Variants in F13A1 observed in about 807,000 individuals in gnomAD.
The protein encoded by F13A1 is FSF, A subunit.
A neutral mutation model predicts 80.1 loss-of-function variants in F13A1; 47 were observed. That is an observed-to-expected ratio of 0.59 (90% CI 0.46 to 0.75). F13A1 has a LOEUF of 0.75. F13A1 is among the 30% of genes least tolerant of loss of function. The pLI is 0.00. For missense variants in F13A1, 817 were observed against 930.4 expected, an observed-to-expected ratio of 0.88 and a Z score of 1.59; for synonymous variants, 349 against 344.9, an observed-to-expected ratio of 1.01 and a Z score of -0.13.
chr6:6,221,028 AT>A (rs2113057006), intron 8 of F13A1, among the ~76,000 whole-genome samples: 1 of 152,284 alleles, frequency 6.6e-6, no homozygotes, highest in Admixed American at 6.5e-5. Context: ...ACTTCCTACC[AT>A]CCCCATTTGG....
chr6:6,283,903 A>G (rs186384438), intron 3 of F13A1, among the ~76,000 whole-genome samples: 1 of 152,336 alleles, frequency 6.6e-6, no homozygotes, highest in East Asian at 1.9e-4. Context: ...TGAGGAGCAG[A>G]ACAGCAGTGA....
At chr6:6,212,434 G>C (rs187866666) in intron 8 of F13A1, among the ~76,000 whole-genome samples, 33 of 152,170 alleles carry the variant, frequency 2.2e-4, no homozygotes, top group Non-Finnish European at 4.3e-4. Context: ...CACCTCACAC[G>C]GCCGGGTACT....
chr6:6,181,915 A>T, intron 11 of F13A1, 73 bp downstream of exon 11: 1 of 1,548,254 alleles, frequency 6.5e-7, no homozygotes, highest in South Asian at 1.1e-5. Flanking sequence ...TCTGGAACTC[A>T]TCTCTGAGTG....
chr6:6,164,838 C>T (rs1760638562), intron 13 of F13A1, among the ~76,000 whole-genome samples: 1 of 148,728 alleles, frequency 6.7e-6, no homozygotes, highest in Admixed American at 6.7e-5. Flanking sequence ...TCCTCTCCCT[C>T]CCTTCCCCTC....
chr6:6,200,141 C>T (rs922892300), intron 8 of F13A1, among the ~76,000 whole-genome samples: 4 of 152,134 alleles, frequency 2.6e-5, no homozygotes, highest in African/African-American at 9.7e-5. Context: ...TTTTTGTCTA[C>T]ACTTGTGATG....
chr6:6,198,055 G>T (rs1264967875), intron 8 of F13A1, among the ~76,000 whole-genome samples: 3 of 152,180 alleles, frequency 2.0e-5, no homozygotes, highest in African/African-American at 7.2e-5. Context: ...ATATTCCTTT[G>T]TAGCAATTAA....
intron 10 of F13A1, among the ~76,000 whole-genome samples, chr6:6,195,541 A>G (rs1761274265): frequency 6.6e-6 from 1 of 152,240 alleles, no homozygotes; most frequent in African/African-American, 2.4e-5. Flanking sequence ...ATGGGTGCAG[A>G]GAACTAAGCT....
chr6:6,217,702 A>G (rs532277128), intron 8 of F13A1, among the ~76,000 whole-genome samples: 1 of 152,200 alleles, frequency 6.6e-6, no homozygotes, highest in East Asian at 1.9e-4. Context: ...AAAAATAAAA[A>G]TAAAATAATG....
chr6:6,264,097 G>T (rs1308533021), intron 4 of F13A1, among the ~76,000 whole-genome samples: 1 of 152,168 alleles, frequency 6.6e-6, no homozygotes, highest in East Asian at 1.9e-4. Context: ...GCTCATCATG[G>T]ATACAACTGA....
At chr6:6,320,201 C>T (rs1379747297) in intron 1 of F13A1, among the ~76,000 whole-genome samples, 2 of 151,966 alleles carry the variant, frequency 1.3e-5, no homozygotes, top group African/African-American at 2.4e-5. Flanking sequence ...GGAGCCAAGC[C>T]GGCGGGGTTC....
intron 6 of F13A1, among the ~76,000 whole-genome samples, chr6:6,238,627 T>C (rs1757444412): frequency 6.6e-6 from 1 of 151,344 alleles, no homozygotes; most frequent in Non-Finnish European, 1.5e-5. Flanking sequence ...ATCTGACAAA[T>C]GAGAGGTATA....
At chr6:6,213,934 G>C (rs1187555999) in intron 8 of F13A1, among the ~76,000 whole-genome samples, 3 of 102,564 alleles carry the variant, frequency 2.9e-5, no homozygotes, top group Non-Finnish European at 4.0e-5. Flanking sequence ...GACAAAGAAG[G>C]CCATTACATA....
chr6:6,293,680 AG>A (rs1287222537), intron 3 of F13A1, among the ~76,000 whole-genome samples: 2 of 151,414 alleles, frequency 1.3e-5, no homozygotes, highest in African/African-American at 4.9e-5. Context: ...ACCATCCAAG[AG>A]CCCTATTTAT....
intron 2 of F13A1, among the ~76,000 whole-genome samples, chr6:6,310,552 A>T (rs570162160): frequency 6.6e-6 from 1 of 152,320 alleles, no homozygotes; most frequent in South Asian, 2.1e-4. Context: ...AGAAGAGCAT[A>T]GTAAGAGCAT....
intron 13 of F13A1, among the ~76,000 whole-genome samples, chr6:6,155,122 G>A (rs1760449981): frequency 6.6e-6 from 1 of 152,098 alleles, no homozygotes; most frequent in East Asian, 1.9e-4. Context: ...GGTTTTCTAG[G>A]GGCCCATGAA....
At chr6:6,152,825 A>G (rs1451005948) in intron 13 of F13A1, among the ~76,000 whole-genome samples, 1 of 152,238 alleles carries the variant, frequency 6.6e-6, no homozygotes, top group Non-Finnish European at 1.5e-5. Flanking sequence ...CCAGGTGGCT[A>G]TAAGACTTGT....
Position 6,145,657 on chromosome 6 carries a change from C to T in F13A1, c.2161G>A (p.Glu721Lys), listed in dbSNP as rs533127151. The change falls in exon 15 of 15, where the codon GAG (glutamate) becomes AAG (lysine). Residue 721 changes from glutamate (E) to lysine (K), a missense_variant. By Grantham distance (56) the Glu-to-Lys change is moderately conservative. Transcript: ENST00000264870. ...SSDSLRHVYG[E>K]LDVQIQRRPS... ...CGTCTTTGAATCTGCACGTCCAGCT[C>T]GCCATACACATGTCTCAGGGAGTCA... is the stretch of plus-strand genomic sequence containing the variant. 1.2e-5 allele frequency: 19 copies of T among 1,614,158 alleles called. No homozygotes were observed. Among genetic ancestry groups the T allele is most frequent in the East Asian group, 4.5e-5 (2 of 44,874 alleles).
Position 6,213,406 on chromosome 6 carries a change from G to A in F13A1, c.1112+8627C>T, listed in dbSNP as rs533014376. Among the ~76,000 whole-genome samples the A allele has an allele frequency of 5.3e-5, 8 of 152,170 alleles. No homozygotes were observed. In the East Asian group the frequency reaches 5.8e-4, roughly 11 times the overall value. On this transcript the variant is annotated intron_variant, in intron 8 of 14. Transcript: ENST00000264870. ...TCTTAAAGAAAGAATTTTCAACCCC[G>A]AATTTCATATCCAGCCAAACTAAGC...
chr6:6,174,829 T>C lies in F13A1; in HGVS notation c.1498A>G (p.Met500Val). 1 of 1,614,174 alleles carries C rather than the reference T, an allele frequency of 6.2e-7. No individual in the cohort carries two copies. The highest frequency in any genetic ancestry group is 8.5e-7 in the Non-Finnish European group (1 of 1,180,038). Reference sequence around the variant, plus strand: ...TTGAGGGGCTTTTTAGCTCCGTACATCAGGGCAGTTTCTAGGGCCAATCTC... The same window carrying C: ...TTGAGGGGCTTTTTAGCTCCGTACACCAGGGCAGTTTCTAGGGCCAATCTC... ...EERLALETAL[M>V]YGAKKPLNTE... Residue 500 changes from methionine to valine, a missense_variant, in exon 12 of 15, where the codon ATG (methionine) becomes GTG (valine). Transcript: ENST00000264870.
Sources: gnomAD v4.1 joint callset for allele counts (sites outside exome capture counted in the v4.1 genomes callset) on GRCh38, gnomAD v4.1.1 for gene constraint, MANE v1.5 for transcripts, NCBI Gene and HGNC (gene_info 2026-07-23, HGNC 2026-07-21) for gene names.